The following RLIG1 variants were observed in gnomAD, a reference collection of about 807,000 sequenced individuals.
RLIG1 encodes the protein RNA 5'-phosphate and 3'-OH ligase 1, also known as RNA ligase 1.
the RLIG1 span, chr12:88,046,812 G>T: frequency 1.2e-6 from 2 of 1,605,722 alleles, no homozygotes; most frequent in Non-Finnish European, 1.7e-6. Flanking sequence ...CTTAGGGTTA[G>T]GGAGCAAGAA....
At chr12:88,040,116 T>C in the RLIG1 span, 2 of 1,283,224 alleles carry the variant, frequency 1.6e-6, no homozygotes, top group African/African-American at 1.5e-5. Context: ...GCTATCTATC[T>C]TAAACCGGTT....
the RLIG1 span, chr12:88,036,024 A>G: frequency 2.0e-6 from 3 of 1,472,240 alleles, 1 homozygote; most frequent in South Asian, 3.6e-5. Context: ...CATCCACAGC[A>G]TGTCCCTTCC....
At chr12:88,039,356 G>C in the RLIG1 span, among the ~76,000 whole-genome samples, 6 of 151,752 alleles carry the variant, frequency 4.0e-5, no homozygotes, top group African/African-American at 1.5e-4. Flanking sequence ...TTATAAAACA[G>C]GGGGAAAGTC....
chr12:88,046,246 G>A, the RLIG1 span, among the ~76,000 whole-genome samples: 2 of 152,118 alleles, frequency 1.3e-5, no homozygotes, highest in Non-Finnish European at 2.9e-5. Context: ...ACAAGGGGAT[G>A]GGAAGACAGA....
the RLIG1 span, chr12:88,045,849 TAAA>T: frequency 4.1e-6 from 5 of 1,210,618 alleles, no homozygotes; most frequent in Non-Finnish European, 5.9e-6. Flanking sequence ...TAGGTCAACT[TAAA>T]AAACATACAC....
At chr12:88,048,188 A>AGAT in the RLIG1 span, 15 of 1,379,878 alleles carry the variant, frequency 1.1e-5, no homozygotes, top group Admixed American at 8.0e-5. Context: ...AAGTGAATGA[A>AGAT]GATAGTATCT....
chr12:88,045,671 C>T, the RLIG1 span: 2 of 1,613,118 alleles, frequency 1.2e-6, no homozygotes, highest in Non-Finnish European at 1.7e-6. Context: ...GGTACTAAAA[C>T]ATCATCCTGA....
the RLIG1 span, chr12:88,048,694 A>T: frequency 4.1e-6 from 1 of 243,280 alleles, no homozygotes; most frequent in Non-Finnish European, 7.8e-6. Flanking sequence ...TGGTAATTTA[A>T]AGACAACAAT....
At chr12:88,043,623 A>T in the RLIG1 span, 11 of 1,611,144 alleles carry the variant, frequency 6.8e-6, no homozygotes, top group Non-Finnish European at 9.3e-6. Flanking sequence ...GTTGAGGAGG[A>T]CTTCAAACCA....
the RLIG1 span, chr12:88,043,514 T>G: frequency 5.2e-6 from 4 of 767,046 alleles, no homozygotes; most frequent in Admixed American, 2.8e-5. Flanking sequence ...GAGGTTTTAG[T>G]AGCTGTTCCC....
chr12:88,037,427 G>A, the RLIG1 span, among the ~76,000 whole-genome samples: 2 of 152,136 alleles, frequency 1.3e-5, no homozygotes, highest in African/African-American at 2.4e-5. Context: ...CTTTGGATAT[G>A]TCGATAGCAA....
At chr12:88,039,514 C>T in the RLIG1 span, among the ~76,000 whole-genome samples, 1 of 152,174 alleles carries the variant, frequency 6.6e-6, no homozygotes. Context: ...GACTCAATGT[C>T]TGCCTTGCAT....
chr12:88,046,955 C>T, the RLIG1 span: 1 of 1,609,022 alleles, frequency 6.2e-7, no homozygotes, highest in East Asian at 2.2e-5. Flanking sequence ...TGTGGCATTG[C>T]AGTGATGGCT....
At chr12:88,037,664 A>G in the RLIG1 span, among the ~76,000 whole-genome samples, 6 of 152,300 alleles carry the variant, frequency 3.9e-5, no homozygotes, top group Middle Eastern at 3.4e-3. Flanking sequence ...CTGAATCCCT[A>G]CTAGACGATT....
the RLIG1 span, chr12:88,035,767 G>T: frequency 4.5e-6 from 7 of 1,564,196 alleles, no homozygotes; most frequent in Non-Finnish European, 6.1e-6. Flanking sequence ...CAGGCTTGGC[G>T]GCCCGCGTGG....
At chr12:88,035,556 G>A in the RLIG1 span, 17 of 1,332,106 alleles carry the variant, frequency 1.3e-5, no homozygotes, top group Non-Finnish European at 1.7e-5. Flanking sequence ...CGTGGCCTGA[G>A]CCGTGCGGGT....
chr12:88,046,025 G>A, the RLIG1 span, among the ~76,000 whole-genome samples: 1 of 152,050 alleles, frequency 6.6e-6, no homozygotes, highest in Non-Finnish European at 1.5e-5. Flanking sequence ...TATATGAAAA[G>A]TAATGACTCA....
the RLIG1 span, chr12:88,046,993 C>T: frequency 6.3e-7 from 1 of 1,584,766 alleles, no homozygotes; most frequent in South Asian, 1.2e-5. Flanking sequence ...GCAAAAATAG[C>T]TCCGGTGGGG....
the RLIG1 span, chr12:88,050,098 T>C: frequency 3.5e-6 from 1 of 289,224 alleles, no homozygotes; most frequent in African/African-American, 2.2e-5. Flanking sequence ...GACCCAAAAC[T>C]TAAGAACATA....
Sources: allele counts gnomAD v4.1 joint callset (sites outside exome capture counted in the v4.1 genomes callset), GRCh38; gene constraint gnomAD v4.1.1; transcripts MANE v1.5; gene names NCBI Gene and HGNC (gene_info 2026-07-23, HGNC 2026-07-21).